The following LPL variants were observed in gnomAD, a reference collection of about 807,000 sequenced individuals.
LPL encodes phospholipase A1.
A neutral mutation model predicts 52.2 loss-of-function variants in LPL; 43 were observed. That is an observed-to-expected ratio of 0.82 (90% CI 0.64 to 1.06). The LOEUF (loss-of-function observed/expected upper bound fraction) is 1.06, where lower values mean the gene tolerates loss of function less well. Among genes scored for constraint, LPL ranks in the 50% least tolerant of loss-of-function variants. LPL has a pLI of 0.00. For missense variants in LPL, 639 were observed against 585.3 expected (o/e 1.09, Z -0.95); for synonymous variants, 244 against 215.6 (o/e 1.13, Z -1.15).
rs766835392 is a variant in LPL at position 19,967,223 on chromosome 8, C to T, written c.*1913C>T. On this transcript the variant is annotated 3_prime_UTR_variant, in exon 10 of 10. Coordinates refer to ENST00000650287, the MANE Select transcript of LPL (RefSeq NM_000237.3). The stretch of plus-strand genomic sequence containing the variant: ...ACTTAACTGTGTGAAGAAATGGAAT[C>T]AGCTTTTAATAAAATTGACAACATT... 2 of 152,582 alleles carry T rather than the reference C, an allele frequency of 1.3e-5. No individual in the cohort carries two copies. The highest frequency in any genetic ancestry group is 2.9e-5 in the Non-Finnish European group (2 of 68,028). 9.5% of individuals were successfully genotyped at this position (152,582 alleles called of 1,614,324 possible).
Position 19,965,364 on chromosome 8 carries a change from A to C in LPL, c.*54A>C, listed in dbSNP as rs1377233029. The C allele has an allele frequency of 5.1e-6, 4 of 780,138 alleles. No individual in the cohort carries two copies. In the East Asian group the frequency reaches 9.7e-5, roughly 19 times the overall value. 48.3% of individuals were successfully genotyped at this position (780,138 alleles called of 1,614,324 possible). On this transcript the variant is annotated 3_prime_UTR_variant, in exon 10 of 10. Transcript: ENST00000650287. ...GGCATGTGAATTCTGTGAAGAATGA[A>C]GTGGAGGAAGTAACTTTTACAAAAC...
rs945446989 is a variant in LPL at position 19,950,511 on chromosome 8, A to G, written c.250-1258A>G. Among the ~76,000 whole-genome samples the G allele has an allele frequency of 2.6e-5, 4 of 152,150 alleles. No individual in the cohort carries two copies. Among genetic ancestry groups the G allele is most frequent in the Non-Finnish European group, 5.9e-5 (4 of 68,020 alleles). Reference sequence around the variant, plus strand: ...GCCTTTTTAGATTGCTTAACTTGGAAACACTGGGCTGGGAGCGGTGGCTCA... The same window carrying G: ...GCCTTTTTAGATTGCTTAACTTGGAGACACTGGGCTGGGAGCGGTGGCTCA... On this transcript the variant is annotated intron_variant, in intron 2 of 9. Coordinates refer to ENST00000650287, the MANE Select transcript of LPL (RefSeq NM_000237.3). This position sits in a 1 kb window ranked among gnomAD's most constrained non-coding sequence, Gnocchi z 4.2.
At chr8:19,961,911 C>T (rs2070042404) in intron 8 of LPL, among the ~76,000 whole-genome samples, 1 of 152,146 alleles carries the variant, frequency 6.6e-6, no homozygotes, top group Non-Finnish European at 1.5e-5. Context: ...AATTAACTAG[C>T]TTGGTTGCTG....
Position 19,939,617 on chromosome 8 carries a change from A to T in LPL, c.88+89A>T. On this transcript the variant is annotated intron_variant, in intron 1 of 9. Transcript: ENST00000650287. The surrounding 1 kb of genome is among the most constrained non-coding windows in gnomAD (Gnocchi z 4.0). ...CTGAGGATGAGAAGAAGGAAGTTGG[A>T]AGGGGCGGTGGATGCGCCCAGGGAC... 1.5e-6 allele frequency: 2 copies of T among 1,372,348 alleles called. No individual in the cohort carries two copies. The highest frequency in any genetic ancestry group is 2.0e-6 in the Non-Finnish European group (2 of 996,242). 85.0% of individuals were successfully genotyped at this position (1,372,348 alleles called of 1,614,324 possible). A position where few individuals can be genotyped will look rare whatever the true frequency, so the allele number is the denominator to read the frequency against.
rs2069980901 is a variant in LPL, at chr8:19,955,938, C to T, written c.873C>T (p.Cys291=). ...AAAATCCAAGTAAGGCCTACAGGTG[C>T]AGTTCCAAGGAAGCCTTTGAGAAAG... is the stretch of plus-strand genomic sequence containing the variant. ...NEENPSKAYR[C]SSKEAFEKGL... is the part of the protein sequence containing the mutation. The change falls in exon 6 of 10, where the codon TGC becomes TGT. Residue 291 remains cysteine (C), a synonymous_variant. Coordinates refer to ENST00000650287, the MANE Select transcript of LPL (RefSeq NM_000237.3). The T allele has an allele frequency of 6.2e-7, 1 of 1,614,054 alleles. No individual in the cohort carries two copies. Among genetic ancestry groups the T allele is most frequent in the Non-Finnish European group, 8.5e-7 (1 of 1,180,032 alleles).
intron 5 of LPL, among the ~76,000 whole-genome samples, chr8:19,954,940 G>C (rs1284216189): frequency 6.6e-6 from 1 of 152,152 alleles, no homozygotes; most frequent in African/African-American, 2.4e-5. Flanking sequence ...CTGGCCTCAA[G>C]TGATCCTCCT....
At chr8:19,940,126 G>A (rs1030394319) in intron 1 of LPL, among the ~76,000 whole-genome samples, 8 of 152,212 alleles carry the variant, frequency 5.3e-5, no homozygotes, top group African/African-American at 1.7e-4. Context: ...TGGGTGTCGG[G>A]GTGGAGAAAG....
intron 1 of LPL, among the ~76,000 whole-genome samples, chr8:19,941,544 T>C (rs1172698453): frequency 1.3e-5 from 2 of 152,210 alleles, no homozygotes; most frequent in African/African-American, 4.8e-5. Flanking sequence ...TGTGATTAAT[T>C]AGTTTAATTG....
Position 19,961,176 on chromosome 8 carries a change from G to A in LPL, c.1322+93G>A. 2.8e-6 allele frequency: 3 copies of A among 1,056,452 alleles called. No homozygotes were observed. In the South Asian group the frequency reaches 4.0e-5, roughly 14 times the overall value. 65.4% of individuals were successfully genotyped at this position (1,056,452 alleles called of 1,614,324 possible). A position where few individuals can be genotyped will look rare whatever the true frequency, so the allele number is the denominator to read the frequency against. ...TTCAGGGGCCTTCACAATTCAGGGA[G>A]AGCTTTAGGAAACCTTGTATTTATT... On this transcript the variant is annotated intron_variant, in intron 8 of 9. Coordinates refer to ENST00000650287, the MANE Select transcript of LPL (RefSeq NM_000237.3).
intron 9 of LPL, 75 bp downstream of exon 9, chr8:19,962,294 T>C: frequency 9.3e-7 from 1 of 1,077,920 alleles, no homozygotes; most frequent in African/African-American, 1.5e-5. Context: ...TGCATTCCTC[T>C]TCACCCCATC....
chr8:19,967,063 C>T lies in LPL; in HGVS notation c.*1753C>T, dbSNP rs1192808837. The T allele has an allele frequency of 6.6e-6, 1 of 152,514 alleles. No homozygotes were observed. The highest frequency in any genetic ancestry group is 1.5e-5 in the Non-Finnish European group (1 of 68,010). The allele number at this position is 152,514 out of a possible 1,614,324, so 9.4% of individuals were successfully genotyped here. On this transcript the variant is annotated 3_prime_UTR_variant, in exon 10 of 10. Coordinates refer to ENST00000650287, the MANE Select transcript of LPL (RefSeq NM_000237.3). ...TGTGGATGTGTAAATGGAGCTTGTA[C>T]ATATTGGAAAGGTCATTGTGGCTAT...
At position 19,953,171 on chromosome 8, in the gene LPL, T is replaced by G. The variant is rs1007288987; in HGVS notation, c.430-139T>G. ...TAGAGAATATTTTCTCTCTCTTACC[T>G]GTAACACAAAATTAAAATAAGTAGA... On this transcript the variant is annotated intron_variant, in intron 3 of 9. Transcript: ENST00000650287. 9.2e-6 allele frequency: 6 copies of G among 651,312 alleles called. No individual in the cohort carries two copies. In the Middle Eastern group the frequency reaches 1.0e-3, roughly 109 times the overall value. The allele number at this position is 651,312 out of a possible 1,614,324, so 40.3% of individuals were successfully genotyped here.
In LPL at chr8:19,966,951, C is replaced by T. The variant is rs2070094785; in HGVS notation, c.*1641C>T. On this transcript the variant is annotated 3_prime_UTR_variant, in exon 10 of 10. Coordinates refer to ENST00000650287, the MANE Select transcript of LPL (RefSeq NM_000237.3). Reference sequence around the variant, plus strand: ...AAAGATTCACTAAAGCAGCACATAGCACTGGGAACTCTGGCTCCGAAAAAC... The same window carrying T: ...AAAGATTCACTAAAGCAGCACATAGTACTGGGAACTCTGGCTCCGAAAAAC... 1 of 152,562 alleles carries T rather than the reference C, an allele frequency of 6.6e-6. No individual in the cohort carries two copies. 9.5% of individuals were successfully genotyped at this position (152,562 alleles called of 1,614,324 possible). A position where few individuals can be genotyped will look rare whatever the true frequency, so the allele number is the denominator to read the frequency against.
At chr8:19,954,083 T>C in intron 4 of LPL, 37 bp from the exon 5 acceptor site, 1 of 1,471,738 alleles carries the variant, frequency 6.8e-7, no homozygotes, top group Non-Finnish European at 9.5e-7. Flanking sequence ...CGAATGGAAA[T>C]TTACAAATCT....
At chr8:19,960,725 T>C (rs1019998357) in intron 7 of LPL, among the ~76,000 whole-genome samples, 176 bp from the exon 8 acceptor site, 1 of 152,252 alleles carries the variant, frequency 6.6e-6, no homozygotes, top group Non-Finnish European at 1.5e-5. Flanking sequence ...GGATATAATT[T>C]AAAATATACT....
In LPL at chr8:19,955,959, G is replaced by A. The variant is rs974645828; in HGVS notation, c.894G>A (p.Glu298=). The change falls in exon 6 of 10, where the codon GAG becomes GAA. Residue 298 remains glutamate (E), a synonymous_variant. Transcript: ENST00000650287. ...AYRCSSKEAF[E]KGLCLSCRKN... ...GGTGCAGTTCCAAGGAAGCCTTTGA[G>A]AAAGGGCTCTGCTTGAGTTGTAGAA... 1 of 1,614,142 alleles carries A rather than the reference G, an allele frequency of 6.2e-7. No individual in the cohort carries two copies. Among genetic ancestry groups the A allele is most frequent in the Non-Finnish European group, 8.5e-7 (1 of 1,179,986 alleles).
At chr8:19,959,028 T>C (rs2070013272) in intron 6 of LPL, among the ~76,000 whole-genome samples, 1 of 152,170 alleles carries the variant, frequency 6.6e-6, no homozygotes, top group Non-Finnish European at 1.5e-5. Flanking sequence ...GGGTTTTTCC[T>C]ATGCATATAA....
intron 1 of LPL, among the ~76,000 whole-genome samples, chr8:19,943,443 A>G (rs180680396): frequency 1.3e-5 from 2 of 152,244 alleles, no homozygotes; most frequent in Admixed American, 1.3e-4. Flanking sequence ...TTTTAACTAA[A>G]AAGAATAGCG....
intron 5 of LPL, among the ~76,000 whole-genome samples, chr8:19,955,375 T>G (rs1309706051): frequency 6.6e-6 from 1 of 152,228 alleles, no homozygotes; most frequent in Non-Finnish European, 1.5e-5. Flanking sequence ...ATGGTTTGAC[T>G]TAAAACTTTT....
Sources: gnomAD v4.1 joint callset for allele counts (sites outside exome capture counted in the v4.1 genomes callset) on GRCh38, gnomAD v4.1.1 for gene constraint, Gnocchi (gnomAD v3.1) non-coding constraint, MANE v1.5 for transcripts, NCBI Gene and HGNC (gene_info 2026-07-23, HGNC 2026-07-21) for gene names.